WDR70: variants seen among roughly 807,000 people sequenced by gnomAD.
WDR70 encodes WD repeat-containing protein 70.
WDR70 carries 53 observed loss-of-function variants against 88.6 expected under a neutral mutation model. The ratio of observed to expected loss-of-function variants is 0.60; its 90% CI spans 0.48 to 0.75. The LOEUF (loss-of-function observed/expected upper bound fraction) is 0.75. WDR70 is among the 30% of genes least tolerant of loss of function. The pLI, the probability that WDR70 is intolerant of heterozygous loss-of-function variation, is 0.00. For missense variants in WDR70, 610 were observed against 823.2 expected (o/e 0.74, Z 3.17); for synonymous variants, 280 against 270.0 (o/e 1.04, Z -0.36).
intron 9 of WDR70, among the ~76,000 whole-genome samples, chr5:37,578,575 A>G (rs1056475217): frequency 1.3e-5 from 2 of 152,204 alleles, no homozygotes; most frequent in Non-Finnish European, 2.9e-5. Flanking sequence ...TTGAAAATCG[A>G]AGCAAATTTG....
At chr5:37,623,643 C>T (rs1415904952) in intron 10 of WDR70, among the ~76,000 whole-genome samples, 1 of 152,066 alleles carries the variant, frequency 6.6e-6, no homozygotes, top group Non-Finnish European at 1.5e-5. Context: ...CACAATATGG[C>T]TTATCTTCTT....
chr5:37,549,523 A>G (rs1742083679), intron 9 of WDR70, among the ~76,000 whole-genome samples: 1 of 152,216 alleles, frequency 6.6e-6, no homozygotes, highest in East Asian at 1.9e-4. Context: ...ATCAGTTCTC[A>G]TAGTTTTTTG....
At chr5:37,416,258 C>T (rs979987341) in intron 5 of WDR70, among the ~76,000 whole-genome samples, 26 of 152,224 alleles carry the variant, frequency 1.7e-4, no homozygotes, top group Non-Finnish European at 2.9e-4. Context: ...TCTGCAATCC[C>T]GGCACCTCGG....
In WDR70 at chr5:37,699,126, C is replaced by A. The variant is rs57810602; in HGVS notation, c.1192+1372C>A. ...CTCTTGCATCTTTGGGATGGTATAT[C>A]CAAGTCTCTGAGGTGGAGTTAGGGG... On this transcript the variant is annotated intron_variant, in intron 11 of 17. Transcript: ENST00000265107. Among the ~76,000 whole-genome samples, 333 of 151,902 alleles carry A rather than the reference C, an allele frequency of 2.2e-3. 1 individual carries two copies. The highest frequency in any genetic ancestry group is 7.1e-3 in the African/African-American group (296 of 41,424).
At chr5:37,553,721 G>T (rs1742213045) in intron 9 of WDR70, among the ~76,000 whole-genome samples, 1 of 152,168 alleles carries the variant, frequency 6.6e-6, no homozygotes, top group African/African-American at 2.4e-5. Flanking sequence ...TCTTTTAGCT[G>T]CAAGGAAATA....
chr5:37,430,579 G>A (rs1196643078), intron 5 of WDR70, among the ~76,000 whole-genome samples: 1 of 148,434 alleles, frequency 6.7e-6, no homozygotes, highest in Admixed American at 6.7e-5. Context: ...TCTTTTTTTT[G>A]ATACGGAGTC....
intron 9 of WDR70, among the ~76,000 whole-genome samples, chr5:37,524,690 T>C (rs1741205409): frequency 1.3e-5 from 2 of 152,002 alleles, no homozygotes; most frequent in Admixed American, 1.3e-4. Context: ...GACTGGCAAA[T>C]TGGATAAAGA....
intron 9 of WDR70, among the ~76,000 whole-genome samples, chr5:37,532,360 A>G (rs924002523): frequency 2.6e-5 from 4 of 152,144 alleles, no homozygotes; most frequent in African/African-American, 9.7e-5. Flanking sequence ...TGTTTTCCAA[A>G]GTTTTAGATT....
At chr5:37,386,575 G>C (rs1190931855) in intron 3 of WDR70, among the ~76,000 whole-genome samples, 2 of 152,138 alleles carry the variant, frequency 1.3e-5, no homozygotes, top group Non-Finnish European at 2.9e-5. Context: ...TGATCCGCCT[G>C]CCTCAACCTC....
chr5:37,455,442 A>G lies in WDR70; in HGVS notation c.686+12070A>G, dbSNP rs56866172. ...TTTTTAGTAGAGACGGGGTTTCACC[A>G]TGTTGGCCAGGCTGGTCTTGAACTC... On this transcript the variant is annotated intron_variant, in intron 7 of 17. Coordinates refer to ENST00000265107, the MANE Select transcript of WDR70 (RefSeq NM_018034.4). Among the ~76,000 whole-genome samples the G allele has an allele frequency of 8.7e-3, 1,324 of 151,424 alleles. 24 individuals are homozygous for G. The highest frequency in any genetic ancestry group is 0.03 in the African/African-American group (1,254 of 41,192).
intron 8 of WDR70, among the ~76,000 whole-genome samples, chr5:37,500,149 C>A (rs1054812953): frequency 6.6e-6 from 1 of 152,062 alleles, no homozygotes; most frequent in Non-Finnish European, 1.5e-5. Context: ...CTTTGTGTAC[C>A]CATAGCTTAG....
At chr5:37,552,750 C>A (rs7700431) in intron 9 of WDR70, among the ~76,000 whole-genome samples, 2 of 152,022 alleles carry the variant, frequency 1.3e-5, no homozygotes, top group African/African-American at 2.4e-5. Flanking sequence ...TTGGGTCGTT[C>A]GCTACATTTG....
chr5:37,658,797 A>T (rs767306837), intron 10 of WDR70, among the ~76,000 whole-genome samples: 1 of 152,226 alleles, frequency 6.6e-6, no homozygotes, highest in African/African-American at 2.4e-5. Flanking sequence ...GACAAGAATG[A>T]TGGGCTAACA....
At chr5:37,407,842 C>T (rs1001138859) in intron 5 of WDR70, among the ~76,000 whole-genome samples, 2 of 152,054 alleles carry the variant, frequency 1.3e-5, no homozygotes, top group East Asian at 1.9e-4. Flanking sequence ...CTGTGCCCAG[C>T]CTAACCATGC....
intron 5 of WDR70, among the ~76,000 whole-genome samples, chr5:37,433,303 C>G (rs62360229): frequency 6.6e-6 from 1 of 151,934 alleles, no homozygotes; most frequent in African/African-American, 2.4e-5. Context: ...TCAAGTGATC[C>G]GCCTACCTTG....
intron 7 of WDR70, among the ~76,000 whole-genome samples, chr5:37,470,568 TG>T (rs1369095332): frequency 6.6e-6 from 1 of 152,208 alleles, no homozygotes; most frequent in Non-Finnish European, 1.5e-5. Flanking sequence ...ATTACTTAAA[TG>T]GGTAAATACA....
chr5:37,595,942 G>A (rs913750343), intron 9 of WDR70, among the ~76,000 whole-genome samples: 5 of 152,182 alleles, frequency 3.3e-5, no homozygotes, highest in African/African-American at 1.2e-4. Context: ...GCAATTGAAT[G>A]TTAAATGTGT....
chr5:37,614,969 G>C (rs1158817012), intron 10 of WDR70, among the ~76,000 whole-genome samples: 1 of 151,880 alleles, frequency 6.6e-6, no homozygotes, highest in Non-Finnish European at 1.5e-5. Context: ...AGAAAATAGA[G>C]ACTAGTACAA....
chr5:37,551,837 A>G (rs942254876), intron 9 of WDR70, among the ~76,000 whole-genome samples: 7 of 137,732 alleles, frequency 5.1e-5, no homozygotes, highest in African/African-American at 8.4e-5. Flanking sequence ...CAGTGGTGCA[A>G]TCTCGCTCAC....
Sources: gnomAD v4.1 joint callset for allele counts (sites outside exome capture counted in the v4.1 genomes callset) on GRCh38, gnomAD v4.1.1 for gene constraint, MANE v1.5 for transcripts, NCBI Gene and HGNC (gene_info 2026-07-23, HGNC 2026-07-21) for gene names.